The following NSMAF variants were observed in gnomAD, a reference collection of about 807,000 sequenced individuals.
The protein encoded by NSMAF is neutral sphingomyelinase activation associated factor.
A neutral mutation model predicts 134.9 loss-of-function variants in NSMAF; 90 were observed. The observed-to-expected ratio is 0.67, with a 90% CI of 0.56 to 0.79. The LOEUF is 0.79. NSMAF is among the 30% of genes least tolerant of loss of function. NSMAF has a pLI of 0.00. For synonymous variants in NSMAF, 358 were observed against 389.6 expected, an observed-to-expected ratio of 0.92 and a Z score of 0.96; for missense variants, 1,010 against 1,119.0, an observed-to-expected ratio of 0.90 and a Z score of 1.39.
chr8:58,635,236 G>C lies in NSMAF; in HGVS notation c.297-11C>G, dbSNP rs1807143225. ...CCCCCAGATTTTGCCCTAAAATACAGATAAAAGTCATTAAATATATACAGC... is the reference window on the plus strand; with the variant it reads ...CCCCCAGATTTTGCCCTAAAATACACATAAAAGTCATTAAATATATACAGC... On this transcript the variant is annotated splice_polypyrimidine_tract_variant and intron_variant, in intron 4 of 30. Coordinates refer to ENST00000038176, the MANE Select transcript of NSMAF (RefSeq NM_003580.4). The C allele has an allele frequency of 6.2e-7, 1 of 1,610,990 alleles. No homozygotes were observed. The highest frequency in any genetic ancestry group is 1.3e-5 in the African/African-American group (1 of 74,796).
chr8:58,605,797 T>C, intron 12 of NSMAF, 130 bp downstream of exon 12: 1 of 1,025,882 alleles, frequency 9.7e-7, no homozygotes. Flanking sequence ...CAAGAATCAC[T>C]TGAACCCAGG....
chr8:58,591,040 T>C, intron 23 of NSMAF, 106 bp from the exon 24 acceptor site: 1 of 1,274,620 alleles, frequency 7.8e-7, no homozygotes, highest in Non-Finnish European at 1.1e-6. Flanking sequence ...GTACACTTTA[T>C]ACTCCAAAGT....
chr8:58,645,291 C>A (rs1807420771), intron 1 of NSMAF, among the ~76,000 whole-genome samples: 1 of 151,990 alleles, frequency 6.6e-6, no homozygotes, highest in Admixed American at 6.6e-5. Context: ...CAAGAGGCTG[C>A]ACACTAGGTA....
intron 1 of NSMAF, among the ~76,000 whole-genome samples, chr8:58,648,229 C>T (rs1181762770): frequency 1.3e-5 from 2 of 152,054 alleles, no homozygotes; most frequent in Non-Finnish European, 2.9e-5. Context: ...GGGTATGTGG[C>T]GGAAGAAATT....
rs779049364 is a variant in NSMAF, at chr8:58,597,404, G to A, written c.1775C>T (p.Ser592Phe). The A allele has an allele frequency of 2.5e-6, 4 of 1,613,950 alleles. No individual in the cohort carries two copies. The highest frequency in any genetic ancestry group is 1.3e-5 in the African/African-American group (1 of 74,932). ...SLSQTSSYNA[S>F]MADSPGEESF... ...AAATTTACCTGGGGAATCTGCCATA[G>A]AAGCATTATAACTGGAGGTCTGGGA... Residue 592 changes from serine (S) to phenylalanine (F), a missense_variant, in exon 21 of 31, where the codon TCT becomes TTT. Transcript: ENST00000038176.
At position 58,659,555 on chromosome 8, in the gene NSMAF, C is replaced by T. The variant is rs747497647; in HGVS notation, c.59+18G>A. 1 of 1,526,064 alleles carries T rather than the reference C, an allele frequency of 6.6e-7. No individual in the cohort carries two copies. Among genetic ancestry groups the T allele is most frequent in the Admixed American group, 2.1e-5 (1 of 48,602 alleles). 94.5% of individuals were successfully genotyped at this position (1,526,064 alleles called of 1,614,324 possible). The stretch of plus-strand genomic sequence containing the variant: ...CGACTAGGCCCCCGGCTGGGCCCTT[C>T]TTCAGCTGGGCGCGCACCTCTCCTT... On this transcript the variant is annotated intron_variant, in intron 1 of 30. Transcript: ENST00000038176.
intron 2 of NSMAF, chr8:58,637,470 T>C: frequency 2.2e-6 from 1 of 452,560 alleles, no homozygotes; most frequent in Non-Finnish European, 4.4e-6. Flanking sequence ...CCACTACTAT[T>C]CAACATAGTA....
At chr8:58,605,190 A>G (rs1264721929) in intron 12 of NSMAF, among the ~76,000 whole-genome samples, 1 of 152,218 alleles carries the variant, frequency 6.6e-6, no homozygotes, top group Non-Finnish European at 1.5e-5. Flanking sequence ...AAGGTGGGAA[A>G]ATTCACATTT....
At chr8:58,595,843 G>GA in intron 21 of NSMAF, 184 bp from the exon 22 acceptor site, 2 of 521,822 alleles carry the variant, frequency 3.8e-6, no homozygotes, top group South Asian at 5.0e-5. Flanking sequence ...ATTGTATAGA[G>GA]AAAGATAAAA....
intron 1 of NSMAF, among the ~76,000 whole-genome samples, chr8:58,658,094 T>C (rs1807762012): frequency 6.6e-6 from 1 of 152,202 alleles, no homozygotes; most frequent in African/African-American, 2.4e-5. Flanking sequence ...ACTCATATCA[T>C]ACAACATGAT....
chr8:58,607,105 T>C (rs950296617), intron 11 of NSMAF, among the ~76,000 whole-genome samples: 1 of 152,222 alleles, frequency 6.6e-6, no homozygotes, highest in Admixed American at 6.5e-5. Flanking sequence ...TCCACAATGC[T>C]TTTGTAATGT....
intron 9 of NSMAF, among the ~76,000 whole-genome samples, chr8:58,619,885 C>T (rs1806743542): frequency 6.6e-6 from 1 of 152,012 alleles, no homozygotes; most frequent in East Asian, 1.9e-4. Context: ...GATGGCAGTG[C>T]CTAAGACCAA....
chr8:58,659,004 A>G (rs536556539), intron 1 of NSMAF, among the ~76,000 whole-genome samples: 9 of 152,218 alleles, frequency 5.9e-5, no homozygotes, highest in African/African-American at 2.2e-4. Context: ...CCCCCCTCCC[A>G]GCCTTCCAGG....
chr8:58,611,956 C>A (rs1806539128), intron 9 of NSMAF, among the ~76,000 whole-genome samples: 1 of 152,106 alleles, frequency 6.6e-6, no homozygotes, highest in Non-Finnish European at 1.5e-5. Flanking sequence ...AAAAATATAT[C>A]ATTTGGTCTC....
intron 1 of NSMAF, among the ~76,000 whole-genome samples, chr8:58,658,965 C>G (rs1471787093): frequency 6.6e-6 from 1 of 152,210 alleles, no homozygotes; most frequent in Non-Finnish European, 1.5e-5. Flanking sequence ...AGGACCTTGG[C>G]TTTCCTCAGA....
At position 58,623,382 on chromosome 8, in the gene NSMAF, C is replaced by A. The variant is rs367758314; in HGVS notation, c.499G>T (p.Ala167Ser). 1.9e-6 allele frequency: 3 copies of A among 1,613,724 alleles called. No individual in the cohort carries two copies. The South Asian group carries it at 3.3e-5, about 18-fold the overall frequency. Reference sequence around the variant, plus strand: ...ACATTGTTAAGAATACTTACCATGGCGGTTTGGTCACCCAATTTGTCAAGG... The same window carrying A: ...ACATTGTTAAGAATACTTACCATGGAGGTTTGGTCACCCAATTTGTCAAGG... ...SCLDKLGDQT[A>S]MITAILQSRL... The change falls in exon 8 of 31, where the codon GCC becomes TCC. Residue 167 changes from alanine (A) to serine (S), a missense_variant. Coordinates refer to ENST00000038176, the MANE Select transcript of NSMAF (RefSeq NM_003580.4).
intron 22 of NSMAF, 39 bp from the exon 23 acceptor site, chr8:58,594,329 T>C (rs777032215): frequency 7.2e-6 from 11 of 1,533,722 alleles, no homozygotes. Flanking sequence ...CTACTCATCA[T>C]GTGTTAGGAT....
intron 2 of NSMAF, among the ~76,000 whole-genome samples, chr8:58,641,065 G>A (rs1807324293): frequency 6.6e-6 from 1 of 151,824 alleles, no homozygotes; most frequent in African/African-American, 2.4e-5. Flanking sequence ...GGGATTACAA[G>A]GGTGCACCAC....
chr8:58,656,917 T>C (rs1807728162), intron 1 of NSMAF, among the ~76,000 whole-genome samples: 1 of 152,220 alleles, frequency 6.6e-6, no homozygotes, highest in Admixed American at 6.5e-5. Flanking sequence ...AAAATTTTAG[T>C]ATAAGTACAT....
Sources: gnomAD v4.1 joint callset for allele counts (sites outside exome capture counted in the v4.1 genomes callset) on GRCh38, gnomAD v4.1.1 for gene constraint, MANE v1.5 for transcripts, NCBI Gene and HGNC (gene_info 2026-07-23, HGNC 2026-07-21) for gene names.